The following ZNF367 variants were observed in gnomAD, a reference collection of about 807,000 sequenced individuals.
ZNF367 encodes the protein C2H2 zinc finger protein ZFF29.
Under a neutral mutation model 31.8 loss-of-function variants are expected in ZNF367, and 11 were observed. The ratio of observed to expected loss-of-function variants is 0.35; its 90% confidence interval spans 0.22 to 0.57. The LOEUF (loss-of-function observed/expected upper bound fraction) is 0.57, where lower values mean the gene tolerates loss of function less well. Among genes scored for constraint, ZNF367 ranks in the 20% least tolerant of loss-of-function variants. The pLI is 0.85. For missense variants in ZNF367, 353 were observed against 484.1 expected (o/e 0.73, Z 2.54); for synonymous variants, 199 against 202.4 (o/e 0.98, Z 0.14).
chr9:96,398,833 G>A (rs1831565199), intron 1 of ZNF367, among the ~76,000 whole-genome samples: 1 of 152,166 alleles, frequency 6.6e-6, no homozygotes, highest in South Asian at 2.1e-4. Flanking sequence ...GCTTCCAGAG[G>A]AAGAAATTCT....
intron 1 of ZNF367, among the ~76,000 whole-genome samples, chr9:96,415,147 C>T (rs1831802311): frequency 6.6e-6 from 1 of 151,262 alleles, no homozygotes; most frequent in African/African-American, 2.4e-5. Context: ...CTCCGCCTCC[C>T]GGGTTCACGC....
At chr9:96,397,128 C>T (rs1315379845) in intron 2 of ZNF367, among the ~76,000 whole-genome samples, 1 of 152,088 alleles carries the variant, frequency 6.6e-6, no homozygotes, top group East Asian at 1.9e-4. Flanking sequence ...ATTTCAAGTG[C>T]TCAGGAGTCA....
intron 1 of ZNF367, among the ~76,000 whole-genome samples, chr9:96,399,611 A>G (rs1369757266): frequency 6.6e-6 from 1 of 152,226 alleles, no homozygotes; most frequent in Non-Finnish European, 1.5e-5. Context: ...TGAGGTCAGG[A>G]GTTCAAGACC....
In ZNF367 at chr9:96,417,069, G is replaced by T. The variant is rs773117965; in HGVS notation, c.420+544C>A. Among the ~76,000 whole-genome samples the T allele has an allele frequency of 3.3e-5, 5 of 152,220 alleles. No homozygotes were observed. The highest frequency in any genetic ancestry group is 7.3e-5 in the Non-Finnish European group (5 of 68,038). ...ATTTTAGCGTCCCATTCCACTATGTGCTCTCAACACCTAGCAAGTAGTATG... is the reference window on the plus strand; with the variant it reads ...ATTTTAGCGTCCCATTCCACTATGTTCTCTCAACACCTAGCAAGTAGTATG... On this transcript the variant is annotated intron_variant, in intron 1 of 4. Coordinates refer to ENST00000375256, the MANE Select transcript of ZNF367 (RefSeq NM_153695.4). The surrounding 1 kb of genome is among the most constrained non-coding windows in gnomAD (Gnocchi z 5.0).
At position 96,408,223 on chromosome 9, in the gene ZNF367, TAATA is replaced by T. The variant is rs562762579; in HGVS notation, c.420+9386_420+9389del. Among the ~76,000 whole-genome samples the T allele has an allele frequency of 2.2e-3, 341 of 152,042 alleles. 3 individuals carry two copies. The highest frequency in any genetic ancestry group is 8.0e-3 in the African/African-American group (332 of 41,520). On this transcript the variant is annotated intron_variant, in intron 1 of 4. Transcript: ENST00000375256. The stretch of plus-strand genomic sequence containing the variant: ...ACTTAAAGTATAATAAATAAATAAA[TAATA>T]AATATTTTTTAAAAAACAATGTGGG...
rs374810647 is a variant in ZNF367 at position 96,398,087 on chromosome 9, CAAAAAAAAAAAAAAAAAAA to C, written c.571+58_571+76del. 5.1e-4 allele frequency: 194 copies of C among 379,700 alleles called. 1 individual carries two copies. The highest frequency in any genetic ancestry group is 2.1e-3 in the African/African-American group (44 of 20,960). 23.5% of individuals were successfully genotyped at this position (379,700 alleles called of 1,614,324 possible). On this transcript the variant is annotated intron_variant, in intron 2 of 4. Coordinates refer to ENST00000375256, the MANE Select transcript of ZNF367 (RefSeq NM_153695.4). ...CCTGGGCAACAGAGCGAGACTATCT[CAAAAAAAAAAAAAAAAAAA>C]AAAAAAAAAAAAAAAAGTGTTACTT...
intron 1 of ZNF367, among the ~76,000 whole-genome samples, chr9:96,408,016 T>TAAATAAATAAAC (rs927395008): frequency 4.8e-5 from 7 of 145,050 alleles, no homozygotes; most frequent in Non-Finnish European, 6.0e-5. Context: ...AATAAATAAA[T>TAAATAAATAAAC]AAACGTTGGA....
At chr9:96,401,291 G>A (rs1286769256) in intron 1 of ZNF367, among the ~76,000 whole-genome samples, 1 of 152,108 alleles carries the variant, frequency 6.6e-6, no homozygotes, top group South Asian at 2.1e-4. Flanking sequence ...TGATTGGGAG[G>A]CCAGGGTGGG....
chr9:96,399,281 G>A (rs1028337118), intron 1 of ZNF367, among the ~76,000 whole-genome samples: 1 of 152,132 alleles, frequency 6.6e-6, no homozygotes, highest in African/African-American at 2.4e-5. Context: ...CCCCAACACA[G>A]CCATTCTGCA....
intron 1 of ZNF367, among the ~76,000 whole-genome samples, chr9:96,415,769 G>A (rs1241635424): frequency 2.0e-5 from 3 of 151,972 alleles, no homozygotes; most frequent in Non-Finnish European, 2.9e-5. Flanking sequence ...AAAGTGCTGG[G>A]ATTACAGGCG....
chr9:96,398,332 A>G lies in ZNF367; in HGVS notation c.421-18T>C. ...ATTCCATCCTGTTGATAATTTTTAT[A>G]AACATTAATATAATTTATTTAACGC... On this transcript the variant is annotated intron_variant, in intron 1 of 4. Transcript: ENST00000375256. 1 of 1,588,550 alleles carries G rather than the reference A, an allele frequency of 6.3e-7. No individual in the cohort carries two copies. Among genetic ancestry groups the G allele is most frequent in the Non-Finnish European group, 8.6e-7 (1 of 1,168,702 alleles).
At chr9:96,415,521 G>A (rs1261296001) in intron 1 of ZNF367, among the ~76,000 whole-genome samples, 3 of 73,050 alleles carry the variant, frequency 4.1e-5, no homozygotes, top group Non-Finnish European at 7.4e-5. Context: ...TTTTTGAGAC[G>A]GAGTCTCACT....
At chr9:96,392,173 G>A (rs1263062490) in intron 4 of ZNF367, 3 of 600,654 alleles carry the variant, frequency 5.0e-6, no homozygotes, top group East Asian at 2.9e-5. Context: ...AAAATAAACT[G>A]TAGTCTGGGC....
At position 96,418,040 on chromosome 9, in the gene ZNF367, C is replaced by T; in HGVS notation, c.-8G>A. The stretch of plus-strand genomic sequence containing the variant: ...CTCGAAGCCCCGGATCATCGCCCGG[C>T]CCGACCCCCAGCTCCGGCGGCCCCG... On this transcript the variant is annotated 5_prime_UTR_variant, in exon 1 of 5. Coordinates refer to ENST00000375256, the MANE Select transcript of ZNF367 (RefSeq NM_153695.4). The T allele has an allele frequency of 7.3e-7, 1 of 1,362,290 alleles. No individual in the cohort carries two copies. The highest frequency in any genetic ancestry group is 3.1e-5 in the East Asian group (1 of 32,562). 84.4% of individuals were successfully genotyped at this position (1,362,290 alleles called of 1,614,324 possible). A position where few individuals can be genotyped will look rare whatever the true frequency, so the allele number is the denominator to read the frequency against.
intron 1 of ZNF367, among the ~76,000 whole-genome samples, chr9:96,400,861 A>G (rs1462722348): frequency 1.4e-4 from 21 of 152,226 alleles, no homozygotes. Context: ...CAAGAAAAAT[A>G]AAGGGATCCA....
chr9:96,412,045 T>C (rs1052147535), intron 1 of ZNF367, among the ~76,000 whole-genome samples: 1 of 152,200 alleles, frequency 6.6e-6, no homozygotes, highest in African/African-American at 2.4e-5. Flanking sequence ...CAAATAATCA[T>C]ATAATGCCCT....
At chr9:96,412,807 T>C (rs920442305) in intron 1 of ZNF367, among the ~76,000 whole-genome samples, 4 of 151,506 alleles carry the variant, frequency 2.6e-5, no homozygotes, top group African/African-American at 4.9e-5. Flanking sequence ...GTGATTCTCA[T>C]GCCTCAGCCT....
rs1587752926 is a variant in ZNF367, at chr9:96,418,083, CCGCTCTGCCCCTCACT to C, written c.-67_-52del. On this transcript the variant is annotated 5_prime_UTR_variant, in exon 1 of 5. Coordinates refer to ENST00000375256, the MANE Select transcript of ZNF367 (RefSeq NM_153695.4). ...CGGCCCCGGGCCGCACTCCTGAGCACCGCTCTGCCCCTCACTCGCTCTGCTCCGAGTCGCAGGCTCA... is the reference window on the plus strand; with the variant it reads ...CGGCCCCGGGCCGCACTCCTGAGCACCGCTCTGCTCCGAGTCGCAGGCTCA... 3.8e-6 allele frequency: 5 copies of C among 1,321,960 alleles called. No homozygotes were observed. Among genetic ancestry groups the C allele is most frequent in the East Asian group, 6.2e-5 (2 of 32,070 alleles). The allele number at this position is 1,321,960 out of a possible 1,614,324, so 81.9% of individuals were successfully genotyped here. A position where few individuals can be genotyped will look rare whatever the true frequency, so the allele number is the denominator to read the frequency against.
At chr9:96,407,312 A>G in intron 1 of ZNF367, 2 of 1,564,916 alleles carry the variant, frequency 1.3e-6, no homozygotes, top group Non-Finnish European at 1.8e-6. Flanking sequence ...ATTGAATTAC[A>G]CCGTAAACGC....
Sources: allele counts gnomAD v4.1 joint callset (sites outside exome capture counted in the v4.1 genomes callset), GRCh38; gene constraint gnomAD v4.1.1; non-coding constraint Gnocchi (gnomAD v3.1); transcripts MANE v1.5; gene names NCBI Gene and HGNC (gene_info 2026-07-23, HGNC 2026-07-21).